The following SGCZ variants were observed in gnomAD, a reference collection of about 807,000 sequenced individuals.
The protein encoded by SGCZ is zeta-sarcoglycan.
In SGCZ, 40 loss-of-function variants were observed where a neutral mutation model predicts 41.3. The observed-to-expected ratio is 0.97, with a 90% CI of 0.75 to 1.26. The LOEUF (loss-of-function observed/expected upper bound fraction) is 1.26, where lower values mean the gene tolerates loss of function less well. SGCZ is among the 50% of genes most tolerant of loss of function. The pLI, the probability that SGCZ is intolerant of heterozygous loss-of-function variation, is 0.00. For missense variants in SGCZ, 552 were observed against 369.8 expected (o/e 1.49, Z -4.04); for synonymous variants, 206 against 137.5 (o/e 1.50, Z -3.49).
At chr8:15,028,428 A>G (rs1191161657) in intron 1 of SGCZ, among the ~76,000 whole-genome samples, 1 of 151,772 alleles carries the variant, frequency 6.6e-6, no homozygotes, top group Non-Finnish European at 1.5e-5. Context: ...AAGGAACACT[A>G]TCGTCTTTCT....
intron 1 of SGCZ, among the ~76,000 whole-genome samples, chr8:15,226,368 G>T (rs774184184): frequency 1.3e-5 from 2 of 152,136 alleles, no homozygotes; most frequent in African/African-American, 4.8e-5. Context: ...TCATGGCTCC[G>T]CAAGAGTGTA....
Position 14,242,312 on chromosome 8 carries a change from G to A in SGCZ, c.337-4633C>T, listed in dbSNP as rs146054003. Among the ~76,000 whole-genome samples, 66 of 152,290 alleles carry A rather than the reference G, an allele frequency of 4.3e-4. 2 individuals carry two copies. The highest frequency in any genetic ancestry group is 1.5e-3 in the African/African-American group (63 of 41,572). ...ATTTACTGGCCCTTAATCAATGCCAGATACTGCTCTAAATACTTTACATAT... is the reference window on the plus strand; with the variant it reads ...ATTTACTGGCCCTTAATCAATGCCAAATACTGCTCTAAATACTTTACATAT... On this transcript the variant is annotated intron_variant, in intron 3 of 7. Coordinates refer to ENST00000382080, the MANE Select transcript of SGCZ (RefSeq NM_139167.4).
At chr8:15,131,173 C>T (rs1807883528) in intron 1 of SGCZ, among the ~76,000 whole-genome samples, 1 of 152,136 alleles carries the variant, frequency 6.6e-6, no homozygotes, top group Admixed American at 6.6e-5. Context: ...TGTGTCCCCA[C>T]CCAAATGTCA....
intron 4 of SGCZ, among the ~76,000 whole-genome samples, chr8:14,202,776 G>GAC (rs1244474896): frequency 6.6e-6 from 1 of 152,068 alleles, no homozygotes; most frequent in African/African-American, 2.4e-5. Flanking sequence ...GATCTCTCCT[G>GAC]ACACATTTTA....
chr8:14,371,780 A>C (rs1327501207), intron 2 of SGCZ, among the ~76,000 whole-genome samples: 1 of 152,148 alleles, frequency 6.6e-6, no homozygotes, highest in East Asian at 1.9e-4. Context: ...TGACAAATAA[A>C]AATTAGGAAA....
intron 1 of SGCZ, among the ~76,000 whole-genome samples, chr8:14,900,294 A>G (rs962675262): frequency 6.6e-6 from 1 of 152,088 alleles, no homozygotes; most frequent in Non-Finnish European, 1.5e-5. Flanking sequence ...TTAAAAATCA[A>G]TTGGATGATT....
At chr8:14,188,062 A>T (rs1804964222) in intron 4 of SGCZ, among the ~76,000 whole-genome samples, 1 of 152,200 alleles carries the variant, frequency 6.6e-6, no homozygotes, top group Non-Finnish European at 1.5e-5. Context: ...TTTAAAAAAA[A>T]AGTCAACCAA....
chr8:14,153,004 A>G (rs995072379), intron 5 of SGCZ, among the ~76,000 whole-genome samples: 9 of 151,918 alleles, frequency 5.9e-5, no homozygotes, highest in Non-Finnish European at 4.4e-5. Context: ...CAAATAAGTG[A>G]TTGTCGGGGG....
At chr8:14,464,935 G>C (rs915204386) in intron 2 of SGCZ, among the ~76,000 whole-genome samples, 18 of 151,358 alleles carry the variant, frequency 1.2e-4, no homozygotes, top group African/African-American at 4.4e-4. Context: ...ATTGTGGTTG[G>C]ATAACACACT....
chr8:14,543,983 C>T (rs1803547760), intron 2 of SGCZ, among the ~76,000 whole-genome samples: 1 of 151,936 alleles, frequency 6.6e-6, no homozygotes, highest in South Asian at 2.1e-4. Context: ...GGTTACCTAC[C>T]CCAAAGCTTC....
intron 2 of SGCZ, among the ~76,000 whole-genome samples, chr8:14,435,862 G>C (rs7010096): frequency 4.6e-5 from 7 of 152,162 alleles, no homozygotes; most frequent in African/African-American, 1.2e-4. Context: ...ACATAAAAAG[G>C]CTTCAGTTTA....
At chr8:14,958,191 G>T (rs1800853489) in intron 1 of SGCZ, among the ~76,000 whole-genome samples, 1 of 151,616 alleles carries the variant, frequency 6.6e-6, no homozygotes, top group African/African-American at 2.4e-5. Flanking sequence ...AAGAGTAACA[G>T]TTTATTTTAT....
At chr8:14,761,081 A>G (rs933093424) in intron 1 of SGCZ, among the ~76,000 whole-genome samples, 1 of 152,200 alleles carries the variant, frequency 6.6e-6, no homozygotes, top group African/African-American at 2.4e-5. Context: ...TAATGCCCTA[A>G]TCATCAAGTT....
At chr8:14,133,964 T>C (rs1319030731) in intron 5 of SGCZ, among the ~76,000 whole-genome samples, 2 of 152,196 alleles carry the variant, frequency 1.3e-5, no homozygotes, top group Admixed American at 1.3e-4. Flanking sequence ...GCTGTGTGTA[T>C]TGCAATTTTA....
chr8:14,492,558 G>A (rs181512329), intron 2 of SGCZ, among the ~76,000 whole-genome samples: 1 of 152,064 alleles, frequency 6.6e-6, no homozygotes, highest in Non-Finnish European at 1.5e-5. Context: ...CAAGATTTAC[G>A]AAGAAAAGTG....
chr8:14,920,798 A>G (rs1430419288), intron 1 of SGCZ, among the ~76,000 whole-genome samples: 1 of 152,222 alleles, frequency 6.6e-6, no homozygotes, highest in African/African-American at 2.4e-5. Context: ...CTCATTCTAA[A>G]ATAGATAGTT....
intron 1 of SGCZ, among the ~76,000 whole-genome samples, chr8:14,626,000 G>C (rs892082841): frequency 6.6e-6 from 1 of 152,148 alleles, no homozygotes; most frequent in Non-Finnish European, 1.5e-5. Flanking sequence ...CAAAGAAAAA[G>C]GGGCAGTCGC....
At chr8:14,133,007 TA>T (rs758160042) in intron 5 of SGCZ, among the ~76,000 whole-genome samples, 3 of 151,762 alleles carry the variant, frequency 2.0e-5, no homozygotes, top group Non-Finnish European at 2.9e-5. Context: ...GCTGTAACAA[TA>T]AAAAAAACAA....
At chr8:14,764,325 A>C (rs1799976346) in intron 1 of SGCZ, among the ~76,000 whole-genome samples, 1 of 152,230 alleles carries the variant, frequency 6.6e-6, no homozygotes, top group African/African-American at 2.4e-5. Flanking sequence ...CACGATCTTA[A>C]AGCATTGTTC....
Sources: gnomAD v4.1 joint callset for allele counts (sites outside exome capture counted in the v4.1 genomes callset) on GRCh38, gnomAD v4.1.1 for gene constraint, MANE v1.5 for transcripts, NCBI Gene and HGNC (gene_info 2026-07-23, HGNC 2026-07-21) for gene names.